ALK: variants seen among roughly 807,000 people sequenced by gnomAD.
The protein encoded by ALK is ALK tyrosine kinase receptor.
A neutral mutation model predicts 163.1 loss-of-function variants in ALK; 74 were observed. The observed-to-expected ratio is 0.45, with a 90% confidence interval of 0.38 to 0.55. The LOEUF (loss-of-function observed/expected upper bound fraction) is 0.55, where lower values mean the gene tolerates loss of function less well. Among genes scored for constraint, ALK ranks in the 20% least tolerant of loss-of-function variants. The pLI is 0.00. For missense variants in ALK, 2,063 were observed against 2,105.3 expected (o/e 0.98, Z 0.39); for synonymous variants, 960 against 843.2 (o/e 1.14, Z -2.40).
chr2:29,354,767 C>CTTT (rs763001304), intron 5 of ALK, among the ~76,000 whole-genome samples: 30 of 138,482 alleles, frequency 2.2e-4, no homozygotes, highest in Non-Finnish European at 4.1e-4. Context: ...TTTTCTTTTT[C>CTTT]TTTTTTTTTT....
At chr2:29,521,916 G>A (rs368370525) in intron 4 of ALK, among the ~76,000 whole-genome samples, 1 of 152,196 alleles carries the variant, frequency 6.6e-6, no homozygotes, top group South Asian at 2.1e-4. Flanking sequence ...ATGACCTTCG[G>A]CAGTGCCAGA....
intron 4 of ALK, among the ~76,000 whole-genome samples, chr2:29,478,696 T>A (rs569123971): frequency 6.6e-6 from 1 of 152,302 alleles, no homozygotes; most frequent in East Asian, 1.9e-4. Context: ...AGCATGGACA[T>A]ATTCAAAGAA....
chr2:29,234,178 C>G (rs1664307326), intron 13 of ALK, among the ~76,000 whole-genome samples: 1 of 152,032 alleles, frequency 6.6e-6, no homozygotes, highest in Admixed American at 6.6e-5. Context: ...TGTTTCGATC[C>G]TGTGGGATGA....
intron 3 of ALK, among the ~76,000 whole-genome samples, chr2:29,632,843 A>G (rs1175526485): frequency 6.6e-6 from 1 of 152,172 alleles, no homozygotes; most frequent in Non-Finnish European, 1.5e-5. Flanking sequence ...GAAAGATGCA[A>G]AAGCAGAACC....
At chr2:29,869,120 C>T (rs1004694653) in intron 1 of ALK, among the ~76,000 whole-genome samples, 4 of 152,188 alleles carry the variant, frequency 2.6e-5, no homozygotes, top group African/African-American at 9.7e-5. Flanking sequence ...AGAAACAAGA[C>T]ATTTTCACTG....
At chr2:29,574,474 G>A (rs1448151539) in intron 3 of ALK, among the ~76,000 whole-genome samples, 1 of 152,200 alleles carries the variant, frequency 6.6e-6, no homozygotes. Flanking sequence ...TGAATTTTCT[G>A]GGACAGACTT....
At chr2:29,803,934 A>T (rs1308354710) in intron 1 of ALK, among the ~76,000 whole-genome samples, 2 of 152,168 alleles carry the variant, frequency 1.3e-5, no homozygotes, top group African/African-American at 4.8e-5. Flanking sequence ...AGAATAAATT[A>T]ACCTCCCCCA....
chr2:29,395,591 C>A (rs140326820), intron 4 of ALK, among the ~76,000 whole-genome samples: 38 of 152,288 alleles, frequency 2.5e-4, no homozygotes, highest in African/African-American at 8.2e-4. Flanking sequence ...CCTTTCTATC[C>A]CCTGCTCCCC....
intron 3 of ALK, among the ~76,000 whole-genome samples, chr2:29,573,286 G>C (rs1674430972): frequency 6.6e-6 from 1 of 152,142 alleles, no homozygotes; most frequent in African/African-American, 2.4e-5. Flanking sequence ...CGTTGGTTTG[G>C]TCACTCCTTC....
intron 3 of ALK, among the ~76,000 whole-genome samples, chr2:29,583,002 A>T (rs905047640): frequency 1.3e-5 from 2 of 150,976 alleles, no homozygotes; most frequent in Admixed American, 6.6e-5. Context: ...AGCTGGGACT[A>T]CAGGCATGTG....
chr2:29,896,088 G>A (rs1026434406), intron 1 of ALK, among the ~76,000 whole-genome samples: 13 of 152,194 alleles, frequency 8.5e-5, no homozygotes, highest in African/African-American at 2.9e-4. Context: ...GAGACAAACT[G>A]CCACAGAAGC....
rs79696417 is a variant in ALK, at chr2:29,901,732, T to A, written c.667+18261A>T. ...TTGTTGCTTTCCTCTAAAGAAAGCC[T>A]CTCTCCCTGTGATCTATGAAGGATT... On this transcript the variant is annotated intron_variant, in intron 1 of 28. Coordinates refer to ENST00000389048, the MANE Select transcript of ALK (RefSeq NM_004304.5). Among the ~76,000 whole-genome samples the A allele has an allele frequency of 4.3e-3, 661 of 152,332 alleles. 22 individuals carry two copies. The East Asian group carries it at 0.076, about 17-fold the overall frequency.
intron 4 of ALK, among the ~76,000 whole-genome samples, chr2:29,482,627 T>G (rs1671689264): frequency 6.6e-6 from 1 of 152,154 alleles, no homozygotes; most frequent in African/African-American, 2.4e-5. Flanking sequence ...GCATGTATCC[T>G]ATGGGTCCTC....
At chr2:29,727,661 T>C (rs947929435) in intron 1 of ALK, among the ~76,000 whole-genome samples, 3 of 152,242 alleles carry the variant, frequency 2.0e-5, no homozygotes, top group African/African-American at 7.2e-5. Flanking sequence ...CTAAGGGGTA[T>C]TGGCATGATG....
chr2:29,665,813 C>T (rs928110384), intron 3 of ALK, among the ~76,000 whole-genome samples: 12 of 152,022 alleles, frequency 7.9e-5, no homozygotes, highest in African/African-American at 2.9e-4. Flanking sequence ...CGTAGACTTG[C>T]TAGCTTTCAA....
chr2:29,461,590 T>C (rs1671084436), intron 4 of ALK, among the ~76,000 whole-genome samples: 1 of 152,166 alleles, frequency 6.6e-6, no homozygotes, highest in African/African-American at 2.4e-5. Flanking sequence ...TCACAATACA[T>C]GGTTTACTAA....
At chr2:29,552,800 C>T (rs1415899932) in intron 3 of ALK, among the ~76,000 whole-genome samples, 1 of 152,164 alleles carries the variant, frequency 6.6e-6, no homozygotes, top group Non-Finnish European at 1.5e-5. Flanking sequence ...CCATTCCCTG[C>T]TTCCGTATCT....
Position 29,828,881 on chromosome 2 carries a change from C to A in ALK, c.667+91112G>T, listed in dbSNP as rs148613743. On this transcript the variant is annotated intron_variant, in intron 1 of 28. Transcript: ENST00000389048. Reference sequence around the variant, plus strand: ...ACATGCACATGTATGTTTATTGTGGCACTCTTCACAATAGCAAAGACTTGG... The same window carrying A: ...ACATGCACATGTATGTTTATTGTGGAACTCTTCACAATAGCAAAGACTTGG... Among the ~76,000 whole-genome samples, 274 of 152,102 alleles carry A rather than the reference C, an allele frequency of 1.8e-3. 1 individual carries two copies. The highest frequency in any genetic ancestry group is 6.1e-3 in the African/African-American group (253 of 41,474).
chr2:29,870,632 C>A (rs1181664798), intron 1 of ALK, among the ~76,000 whole-genome samples: 1 of 152,038 alleles, frequency 6.6e-6, no homozygotes, highest in African/African-American at 2.4e-5. Flanking sequence ...ATCATGCTTA[C>A]AAAGACTTTT....
Sources: gnomAD v4.1 joint callset for allele counts (sites outside exome capture counted in the v4.1 genomes callset) on GRCh38, gnomAD v4.1.1 for gene constraint, MANE v1.5 for transcripts, NCBI Gene and HGNC (gene_info 2026-07-23, HGNC 2026-07-21) for gene names.